SLC39A11: variants seen among roughly 807,000 people sequenced by gnomAD.
The protein encoded by SLC39A11 is zinc transporter ZIP11.
Under a neutral mutation model 36.1 loss-of-function variants are expected in SLC39A11, and 33 were observed. That is an observed-to-expected ratio of 0.91 (90% CI 0.69 to 1.22). The LOEUF (loss-of-function observed/expected upper bound fraction) is 1.22. Ranked by LOEUF, SLC39A11 falls within the 50% of genes most tolerant of loss-of-function variation. The pLI, the probability that SLC39A11 is intolerant of heterozygous loss-of-function variation, is 0.00. For synonymous variants in SLC39A11, 166 were observed against 170.3 expected (o/e 0.97, Z 0.20); for missense variants, 432 against 430.3 (o/e 1.00, Z -0.03).
chr17:73,018,946 T>C (rs544333987), intron 4 of SLC39A11, among the ~76,000 whole-genome samples: 4 of 152,154 alleles, frequency 2.6e-5, no homozygotes, highest in Admixed American at 6.5e-5. Flanking sequence ...GGAGCAGCCA[T>C]AGAAAAAGTC....
intron 7 of SLC39A11, among the ~76,000 whole-genome samples, chr17:72,699,021 G>A (rs1260898224): frequency 2.0e-5 from 3 of 152,122 alleles, no homozygotes; most frequent in Non-Finnish European, 2.9e-5. Flanking sequence ...AGTAGAGACG[G>A]GGTTTCACCA....
At chr17:72,764,642 G>C (rs1598625903) in intron 6 of SLC39A11, among the ~76,000 whole-genome samples, 1 of 152,280 alleles carries the variant, frequency 6.6e-6, no homozygotes, top group East Asian at 1.9e-4. Context: ...CCCGGTGAGG[G>C]CTGGGGCAGA....
intron 4 of SLC39A11, among the ~76,000 whole-genome samples, chr17:72,979,306 C>T (rs2088113446): frequency 6.6e-6 from 1 of 152,150 alleles, no homozygotes; most frequent in Admixed American, 6.5e-5. Context: ...AACCTCCTTC[C>T]TTTATAAATT....
intron 6 of SLC39A11, among the ~76,000 whole-genome samples, chr17:72,809,252 C>T (rs909497493): frequency 6.7e-6 from 1 of 148,208 alleles, no homozygotes; most frequent in African/African-American, 2.5e-5. Context: ...CTCAGGCCCA[C>T]CTTCTCCTGG....
intron 6 of SLC39A11, among the ~76,000 whole-genome samples, chr17:72,750,747 A>AT (rs2075125091): frequency 6.6e-6 from 1 of 151,750 alleles, no homozygotes. Context: ...AGGGAGGGGC[A>AT]TTTTTTCCTA....
intron 7 of SLC39A11, among the ~76,000 whole-genome samples, chr17:72,674,325 A>T (rs1481429074): frequency 1.3e-5 from 2 of 152,062 alleles, no homozygotes; most frequent in African/African-American, 4.8e-5. Context: ...AGCTTTTTTC[A>T]TTTAACAGTA....
Position 72,947,763 on chromosome 17 carries a change from GA to G in SLC39A11, c.418del (p.Ser140ProfsTer4), listed in dbSNP as rs2085524094. The G allele has an allele frequency of 1.2e-6, 2 of 1,614,086 alleles. No homozygotes were observed. The highest frequency in any genetic ancestry group is 1.7e-6 in the Non-Finnish European group (2 of 1,180,046). On this transcript the variant is annotated frameshift_variant, in exon 5 of 10. Coordinates refer to ENST00000255559, the MANE Select transcript of SLC39A11 (RefSeq NM_139177.4). LOFTEE classifies it high-confidence loss of function. ...AAGCCCAGCTCTACCTATCCGGATGGAAAGTTCACTCTCAGGGAAGAGCAGC... is the reference window on the plus strand; with the variant it reads ...AAGCCCAGCTCTACCTATCCGGATGGAAGTTCACTCTCAGGGAAGAGCAGC... ...PALLFPESEL[S>X]IRIDKSENGE...
At chr17:73,064,032 CAAG>C (rs1568214269) in intron 3 of SLC39A11, among the ~76,000 whole-genome samples, 1 of 151,746 alleles carries the variant, frequency 6.6e-6, no homozygotes, top group Non-Finnish European at 1.5e-5. Context: ...GATTTCTCTA[CAAG>C]AAGACCAGCG....
rs374515608 is a variant in SLC39A11 at position 73,004,171 on chromosome 17, G to A, written c.306+27385C>T. ...AGAAAGAAAGAAGGAAAAAAAGAAA[G>A]AAAGAAAGAAAGAAAGAAAGAAAGA... is the stretch of plus-strand genomic sequence containing the variant. On this transcript the variant is annotated intron_variant, in intron 4 of 9. Coordinates refer to ENST00000255559, the MANE Select transcript of SLC39A11 (RefSeq NM_139177.4). Among the ~76,000 whole-genome samples, 216 of 59,888 alleles carry A rather than the reference G, an allele frequency of 3.6e-3. 2 individuals are homozygous for A. Among genetic ancestry groups the A allele is most frequent in the Middle Eastern group, 0.011 (2 of 176 alleles). 39.3% of individuals were successfully genotyped at this position (59,888 alleles called of 152,430 possible).
chr17:72,737,416 G>A (rs1305421802), intron 6 of SLC39A11, among the ~76,000 whole-genome samples: 6 of 152,194 alleles, frequency 3.9e-5, no homozygotes, highest in African/African-American at 1.4e-4. Flanking sequence ...CAGTTGAGTA[G>A]TTGGGACAGA....
At chr17:72,947,313 C>CG (rs528470092) in intron 5 of SLC39A11, among the ~76,000 whole-genome samples, 1,480 of 122,176 alleles carry the variant, frequency 0.012, 16 homozygotes, top group Non-Finnish European at 0.017. Context: ...GACTCCATCT[C>CG]GGGGGGAAAA....
chr17:72,790,165 A>G (rs944231425), intron 6 of SLC39A11, among the ~76,000 whole-genome samples: 1 of 152,178 alleles, frequency 6.6e-6, no homozygotes, highest in Non-Finnish European at 1.5e-5. Flanking sequence ...AGACTAGCAT[A>G]GGGGGCATCA....
chr17:72,836,121 T>C (rs1218107022), intron 6 of SLC39A11, among the ~76,000 whole-genome samples: 7 of 152,216 alleles, frequency 4.6e-5, no homozygotes, highest in African/African-American at 1.4e-4. Context: ...CTGAGCCCGA[T>C]GCATCTGGAG....
chr17:72,859,371 A>C (rs1187995027), intron 5 of SLC39A11, among the ~76,000 whole-genome samples: 1 of 152,140 alleles, frequency 6.6e-6, no homozygotes, highest in African/African-American at 2.4e-5. Context: ...ATTGCATGGG[A>C]TCTACTTATG....
chr17:72,929,421 C>T (rs2084250413), intron 5 of SLC39A11, among the ~76,000 whole-genome samples: 2 of 152,092 alleles, frequency 1.3e-5, no homozygotes, highest in South Asian at 4.1e-4. Flanking sequence ...GGGTAGTCTC[C>T]TTTCCACAAA....
intron 4 of SLC39A11, among the ~76,000 whole-genome samples, chr17:72,965,343 G>C (rs764498674): frequency 7.2e-5 from 11 of 152,090 alleles, no homozygotes; most frequent in Non-Finnish European, 1.2e-4. Flanking sequence ...ATGGATAAAA[G>C]TATGGACGAT....
chr17:73,084,841 C>G lies in SLC39A11; in HGVS notation c.114G>C (p.Arg38=). Residue 38 remains arginine, a synonymous_variant, in exon 3 of 10, where the codon CGG becomes CGC. Transcript: ENST00000255559. ...LVFVFSSGQR[R]ILDGSLGFAA... ...CAAAGCCAAGACTTCCATCTAAGAT[C>G]CGCCTCTGAAAATCAAAACAAGATG... The G allele has an allele frequency of 5.0e-6, 8 of 1,614,130 alleles. No individual in the cohort carries two copies. The highest frequency in any genetic ancestry group is 6.8e-6 in the Non-Finnish European group (8 of 1,180,010).
intron 4 of SLC39A11, 39 bp from the exon 5 acceptor site, chr17:72,947,914 C>T (rs1377468989): frequency 6.2e-7 from 1 of 1,608,618 alleles, no homozygotes; most frequent in South Asian, 1.1e-5. Flanking sequence ...AGCACCACTA[C>T]TGTGTTAATT....
chr17:72,800,767 C>A (rs887333985), intron 6 of SLC39A11, among the ~76,000 whole-genome samples: 1 of 151,860 alleles, frequency 6.6e-6, no homozygotes, highest in African/African-American at 2.4e-5. Context: ...GCAGGGTGTT[C>A]GCAAATAGAG....
Sources: allele counts gnomAD v4.1 joint callset (sites outside exome capture counted in the v4.1 genomes callset), GRCh38; gene constraint gnomAD v4.1.1; transcripts MANE v1.5; gene names NCBI Gene and HGNC (gene_info 2026-07-23, HGNC 2026-07-21).